The following MIS18A variants were observed in gnomAD, a reference collection of about 807,000 sequenced individuals.
The protein encoded by MIS18A is MIS18 kinetochore protein A, also known as protein Mis18-alpha.
A neutral mutation model predicts 25.0 loss-of-function variants in MIS18A; 14 were observed. The ratio of observed to expected loss-of-function variants is 0.56; its 90% CI spans 0.37 to 0.88. The LOEUF (loss-of-function observed/expected upper bound fraction) is 0.88, where lower values mean the gene tolerates loss of function less well. Among genes scored for constraint, MIS18A ranks in the 40% least tolerant of loss-of-function variants. The pLI is 0.00. For missense variants in MIS18A, 292 were observed against 290.8 expected, an observed-to-expected ratio of 1.00 and a Z score of -0.03; for synonymous variants, 134 against 118.6, an observed-to-expected ratio of 1.13 and a Z score of -0.84.
At chr21:32,205,097 C>CTTTTTTTT in the MIS18A span, among the ~76,000 whole-genome samples, 14 of 66,220 alleles carry the variant, frequency 2.1e-4, no homozygotes, top group Admixed American at 5.2e-4. Context: ...AGAACTTGTC[C>CTTTTTTTT]TTTTTTTTTT....
At chr21:32,249,839 C>T in the MIS18A span, among the ~76,000 whole-genome samples, 1 of 152,182 alleles carries the variant, frequency 6.6e-6, no homozygotes, top group Non-Finnish European at 1.5e-5. Context: ...GGCCTAAACA[C>T]CTCCCCCAGC....
At position 32,276,537 on chromosome 21, in the gene MIS18A, G is replaced by A. The variant is rs183537094; in HGVS notation, c.335-1641C>T. The stretch of plus-strand genomic sequence containing the variant: ...TTGAAATTTTCTTGGAGATGTGGAC[G>A]TGGGGAGCACTAATGATTAATCAAA... On this transcript the variant is annotated intron_variant, in intron 1 of 4. Coordinates refer to ENST00000290130, the MANE Select transcript of MIS18A (RefSeq NM_018944.3). Among the ~76,000 whole-genome samples the A allele has an allele frequency of 1.1e-3, 163 of 151,406 alleles. 1 individual carries two copies. In the Middle Eastern group the frequency reaches 0.014, roughly 13 times the overall value.
the MIS18A span, among the ~76,000 whole-genome samples, chr21:32,200,126 AC>A: frequency 1.3e-5 from 2 of 152,244 alleles, no homozygotes; most frequent in African/African-American, 4.8e-5. Context: ...TGCAGGTCAT[AC>A]AGCTTCTGTC....
the MIS18A span, among the ~76,000 whole-genome samples, chr21:32,190,805 G>A: frequency 1.3e-5 from 2 of 152,166 alleles, no homozygotes; most frequent in Non-Finnish European, 2.9e-5. Context: ...TTAGACCAAC[G>A]AAAGTTCAGC....
chr21:32,172,686 A>C, the MIS18A span, among the ~76,000 whole-genome samples: 37 of 152,224 alleles, frequency 2.4e-4, no homozygotes, highest in Admixed American at 9.2e-4. Context: ...TTTAAAAAGA[A>C]CAAAGTTGGA....
In MIS18A at chr21:32,274,856, T is replaced by C. The variant is rs752658602; in HGVS notation, c.375A>G (p.Leu125=). The C allele has an allele frequency of 8.7e-6, 14 of 1,612,830 alleles. No individual in the cohort carries two copies. The South Asian group carries it at 1.3e-4, about 15-fold the overall frequency. Residue 125 remains leucine, a synonymous_variant, in exon 2 of 5, where the codon CTA becomes CTG. Coordinates refer to ENST00000290130, the MANE Select transcript of MIS18A (RefSeq NM_018944.3). The part of the protein sequence containing the change: ...CNVSVDKEQK[L]SKREKENGCV... The stretch of plus-strand genomic sequence containing the variant: ...AACCATTTTCCTTTTCACGTTTGGA[T>C]AGCTTCTGTTCCTTATCCACAGAAA...
At chr21:32,209,155 G>GA in the MIS18A span, among the ~76,000 whole-genome samples, 4,925 of 148,188 alleles carry the variant, frequency 0.033, 242 homozygotes, top group African/African-American at 0.11. Context: ...AATAAATTCT[G>GA]AAAAAAAAAA....
chr21:32,265,690 C>T (rs565562505), downstream of MIS18A, among the ~76,000 whole-genome samples: 1 of 152,268 alleles, frequency 6.6e-6, no homozygotes, highest in Non-Finnish European at 1.5e-5. Context: ...CCAGTCCCAT[C>T]GACCACCCAA....
chr21:32,238,911 T>A, the MIS18A span, among the ~76,000 whole-genome samples: 2 of 152,268 alleles, frequency 1.3e-5, no homozygotes, highest in East Asian at 3.9e-4. Flanking sequence ...GTCTAAATAA[T>A]CATTCCAACC....
the MIS18A span, among the ~76,000 whole-genome samples, chr21:32,256,088 C>CAG: frequency 2.0e-5 from 3 of 152,104 alleles, no homozygotes; most frequent in African/African-American, 7.2e-5. Flanking sequence ...CTTCAGGAAA[C>CAG]AGAAGATTCA....
chr21:32,243,264 G>A, the MIS18A span, among the ~76,000 whole-genome samples: 6 of 152,104 alleles, frequency 3.9e-5, no homozygotes, highest in African/African-American at 1.2e-4. Context: ...TCAAAAACTT[G>A]CTCAGTGAAA....
At chr21:32,204,237 G>A in the MIS18A span, among the ~76,000 whole-genome samples, 3 of 152,256 alleles carry the variant, frequency 2.0e-5, no homozygotes, top group Non-Finnish European at 4.4e-5. Context: ...AGTGGCTCAC[G>A]CCTGCAATCC....
chr21:32,218,421 T>C, the MIS18A span, among the ~76,000 whole-genome samples: 2 of 152,164 alleles, frequency 1.3e-5, no homozygotes, highest in Non-Finnish European at 2.9e-5. Context: ...TTTACTCTTT[T>C]TTCTCCAGAT....
the MIS18A span, among the ~76,000 whole-genome samples, chr21:32,247,956 A>T: frequency 1.3e-5 from 2 of 152,102 alleles, no homozygotes; most frequent in African/African-American, 4.8e-5. Flanking sequence ...AGCCAACTGA[A>T]CCAAACAGAC....
downstream of MIS18A, among the ~76,000 whole-genome samples, chr21:32,265,492 G>A (rs1409296572): frequency 2.0e-5 from 3 of 152,244 alleles, no homozygotes; most frequent in Non-Finnish European, 2.9e-5. Context: ...GCTGCGGAGG[G>A]TGTACTGAGT....
chr21:32,161,711 C>G, the MIS18A span, among the ~76,000 whole-genome samples: 1 of 141,266 alleles, frequency 7.1e-6, no homozygotes, highest in Admixed American at 7.1e-5. Context: ...AGGCTGATCT[C>G]GAATGCCTGA....
the MIS18A span, among the ~76,000 whole-genome samples, chr21:32,223,012 G>A: frequency 2.6e-5 from 4 of 151,358 alleles, no homozygotes; most frequent in South Asian, 6.3e-4. Context: ...TGAGCAACCT[G>A]CTCCTGAATG....
the MIS18A span, among the ~76,000 whole-genome samples, chr21:32,217,964 C>A: frequency 1.3e-5 from 2 of 152,012 alleles, no homozygotes; most frequent in African/African-American, 4.8e-5. Flanking sequence ...GAGGCTGAGG[C>A]GGGCGGATCA....
the MIS18A span, among the ~76,000 whole-genome samples, chr21:32,198,997 T>C: frequency 2.0e-5 from 3 of 151,942 alleles, no homozygotes; most frequent in African/African-American, 7.3e-5. Context: ...TAAGCACTGA[T>C]TGCCAGTTGA....
Sources: gnomAD v4.1 joint callset for allele counts (sites outside exome capture counted in the v4.1 genomes callset) on GRCh38, gnomAD v4.1.1 for gene constraint, MANE v1.5 for transcripts, NCBI Gene and HGNC (gene_info 2026-07-23, HGNC 2026-07-21) for gene names.